Variants in FNDC3A observed in about 807,000 individuals in gnomAD.
The protein encoded by FNDC3A is fibronectin type III domain containing 3A, also known as fibronectin type-III domain-containing protein 3A.
In FNDC3A, 32 loss-of-function variants were observed where a neutral mutation model predicts 148.9. The observed-to-expected ratio is 0.21, with a 90% CI of 0.16 to 0.29. FNDC3A has a LOEUF of 0.29. Among genes scored for constraint, FNDC3A ranks in the 10% least tolerant of loss-of-function variants. FNDC3A has a pLI of 1.00. For missense variants in FNDC3A, 1,191 were observed against 1,452.8 expected, an observed-to-expected ratio of 0.82 and a Z score of 2.93; for synonymous variants, 472 against 473.6, an observed-to-expected ratio of 1.00 and a Z score of 0.04.
At chr13:49,094,249 G>A (rs868134099) in intron 3 of FNDC3A, among the ~76,000 whole-genome samples, 1 of 152,044 alleles carries the variant, frequency 6.6e-6, no homozygotes, top group Admixed American at 6.6e-5. Context: ...GGCGTAAAAG[G>A]TGTGTGCTTT....
intron 2 of FNDC3A, among the ~76,000 whole-genome samples, chr13:49,050,854 T>C (rs1875786645): frequency 6.6e-6 from 1 of 152,230 alleles, no homozygotes; most frequent in African/African-American, 2.4e-5. Context: ...TTTAGAATTG[T>C]GATGTTTTCC....
intron 8 of FNDC3A, among the ~76,000 whole-genome samples, chr13:49,159,136 G>C (rs193104318): frequency 6.6e-6 from 1 of 152,160 alleles, no homozygotes. Flanking sequence ...CTTTAAAGTA[G>C]TTTTTTCCAA....
intron 2 of FNDC3A, among the ~76,000 whole-genome samples, chr13:49,060,049 T>C (rs1264625469): frequency 6.6e-6 from 1 of 152,204 alleles, no homozygotes; most frequent in African/African-American, 2.4e-5. Context: ...TCCTTATACA[T>C]TTTTGTTAGG....
intron 25 of FNDC3A, among the ~76,000 whole-genome samples, chr13:49,205,993 C>T (rs193089858): frequency 6.6e-6 from 1 of 152,184 alleles, no homozygotes. Flanking sequence ...TTGAAAGCCC[C>T]CATGTGTTGG....
At chr13:49,114,922 A>G (rs1339140224) in intron 4 of FNDC3A, among the ~76,000 whole-genome samples, 191 bp downstream of exon 4, 1 of 152,158 alleles carries the variant, frequency 6.6e-6, no homozygotes, top group African/African-American at 2.4e-5. Flanking sequence ...GGCAGCACTC[A>G]TCATTTGTCC....
intron 2 of FNDC3A, among the ~76,000 whole-genome samples, chr13:49,060,714 A>G (rs1370543789): frequency 6.6e-6 from 1 of 151,262 alleles, no homozygotes; most frequent in East Asian, 1.9e-4. Context: ...AAAACACTGT[A>G]CTGAGTGAAA....
At chr13:49,048,840 CT>C (rs1875614331) in intron 2 of FNDC3A, among the ~76,000 whole-genome samples, 1 of 152,162 alleles carries the variant, frequency 6.6e-6, no homozygotes, top group South Asian at 2.1e-4. Context: ...CTGGCTAGGA[CT>C]TCCAATATTC....
At chr13:49,024,705 C>T (rs1047641898) in intron 2 of FNDC3A, among the ~76,000 whole-genome samples, 3 of 151,750 alleles carry the variant, frequency 2.0e-5, no homozygotes, top group African/African-American at 7.3e-5. Context: ...AAAAAACCCT[C>T]AATAAATTAG....
intron 1 of FNDC3A, among the ~76,000 whole-genome samples, chr13:49,001,305 TCCCATCATCTTTGTAAG>T (rs1952121645): frequency 6.6e-6 from 1 of 152,230 alleles, no homozygotes; most frequent in South Asian, 2.1e-4. Flanking sequence ...AATCTCTTAA[TCCCATCATCTTTGTAAG>T]CTGAGGAGGA....
chr13:49,017,902 T>G (rs1033659926), intron 2 of FNDC3A, among the ~76,000 whole-genome samples: 2 of 152,232 alleles, frequency 1.3e-5, no homozygotes, highest in African/African-American at 4.8e-5. Flanking sequence ...TTGAAAATTC[T>G]TTTCTTTAAG....
chr13:49,022,687 CT>C (rs1199474320), intron 2 of FNDC3A, among the ~76,000 whole-genome samples: 1 of 152,106 alleles, frequency 6.6e-6, no homozygotes, highest in Non-Finnish European at 1.5e-5. Flanking sequence ...CATCTTCTAA[CT>C]GCTATGCAGC....
chr13:48,994,076 G>A (rs1951974721), intron 1 of FNDC3A, among the ~76,000 whole-genome samples: 1 of 152,054 alleles, frequency 6.6e-6, no homozygotes, highest in African/African-American at 2.4e-5. Flanking sequence ...TACCTCTATT[G>A]ATTGTCTCTT....
chr13:49,069,781 A>G (rs1877523075), intron 2 of FNDC3A, among the ~76,000 whole-genome samples: 1 of 152,230 alleles, frequency 6.6e-6, no homozygotes, highest in South Asian at 2.1e-4. Context: ...ATTGAGGTAC[A>G]CCATCAGAAA....
chr13:49,069,604 A>G (rs1877509751), intron 2 of FNDC3A, among the ~76,000 whole-genome samples: 1 of 152,162 alleles, frequency 6.6e-6, no homozygotes. Context: ...TACATACTCT[A>G]AAAAGGCATT....
chr13:49,002,844 T>C (rs1161059833), intron 1 of FNDC3A, among the ~76,000 whole-genome samples: 1 of 152,212 alleles, frequency 6.6e-6, no homozygotes, highest in Non-Finnish European at 1.5e-5. Flanking sequence ...ACAAAGGACA[T>C]TTAGGGCCAT....
At chr13:49,000,044 T>C (rs757997487) in intron 1 of FNDC3A, among the ~76,000 whole-genome samples, 2 of 152,226 alleles carry the variant, frequency 1.3e-5, no homozygotes, top group South Asian at 2.1e-4. Context: ...ACCTCTTTAC[T>C]CTGTTGATTG....
chr13:49,131,016 T>G, intron 4 of FNDC3A, 121 bp from the exon 5 acceptor site: 2 of 726,028 alleles, frequency 2.8e-6, no homozygotes, highest in Non-Finnish European at 4.8e-6. Context: ...TCCACCTGCC[T>G]CAGCCTCCCA....
intron 2 of FNDC3A, among the ~76,000 whole-genome samples, chr13:49,073,791 T>A (rs868835416): frequency 4.3e-4 from 62 of 143,470 alleles, no homozygotes; most frequent in East Asian, 1.6e-3. Context: ...GTGTATATAT[T>A]ATATATATGT....
intron 1 of FNDC3A, among the ~76,000 whole-genome samples, chr13:48,993,202 C>G (rs1301084017): frequency 6.6e-6 from 1 of 152,170 alleles, no homozygotes; most frequent in Non-Finnish European, 1.5e-5. Flanking sequence ...TTGTTATCAA[C>G]TTTACATCCT....
Sources: gnomAD v4.1 joint callset for allele counts (sites outside exome capture counted in the v4.1 genomes callset) on GRCh38, gnomAD v4.1.1 for gene constraint, MANE v1.5 for transcripts, NCBI Gene and HGNC (gene_info 2026-07-23, HGNC 2026-07-21) for gene names.